The following MEIS1 variants were observed in gnomAD, a reference collection of about 807,000 sequenced individuals.
MEIS1 encodes the protein Meis homeobox 1.
In MEIS1, 5 loss-of-function variants were observed where a neutral mutation model predicts 50.8. That is an observed-to-expected ratio of 0.10 (90% confidence interval 0.05 to 0.21). The LOEUF (loss-of-function observed/expected upper bound fraction) is 0.21, where lower values mean the gene tolerates loss of function less well. MEIS1 is among the 10% of genes least tolerant of loss of function. MEIS1 has a pLI of 1.00. For synonymous variants in MEIS1, 176 were observed against 179.3 expected, an observed-to-expected ratio of 0.98 and a Z score of 0.15; for missense variants, 318 against 517.3, an observed-to-expected ratio of 0.61 and a Z score of 3.74.
intron 7 of MEIS1, among the ~76,000 whole-genome samples, chr2:66,505,333 G>C (rs1673661141): frequency 6.6e-6 from 1 of 152,176 alleles, no homozygotes. Context: ...TTGAGCCCAG[G>C]AGTTTGAGGT....
intron 9 of MEIS1, among the ~76,000 whole-genome samples, chr2:66,555,950 G>C (rs1675052634): frequency 1.3e-5 from 2 of 152,150 alleles, no homozygotes; most frequent in Admixed American, 6.5e-5. Flanking sequence ...CTTAGATCCG[G>C]TCTGCATTGC....
intron 7 of MEIS1, among the ~76,000 whole-genome samples, chr2:66,465,372 A>G (rs1338382384): frequency 2.0e-5 from 3 of 152,222 alleles, no homozygotes; most frequent in African/African-American, 7.2e-5. Flanking sequence ...AAACTGGTTC[A>G]GAGCTGAGAG....
intron 6 of MEIS1, 109 bp from the exon 7 acceptor site, chr2:66,464,000 C>T: frequency 1.4e-6 from 1 of 725,242 alleles, no homozygotes; most frequent in East Asian, 2.7e-5. Context: ...GGAAAGGTGG[C>T]ATGGTTATGT....
At chr2:66,516,743 C>A (rs559892643) in intron 8 of MEIS1, among the ~76,000 whole-genome samples, 1 of 152,030 alleles carries the variant, frequency 6.6e-6, no homozygotes, top group African/African-American at 2.4e-5. Flanking sequence ...AAGTGCCCTG[C>A]GGGTCCGCCA....
At chr2:66,544,329 A>T (rs1362801901) in intron 8 of MEIS1, among the ~76,000 whole-genome samples, 1 of 152,146 alleles carries the variant, frequency 6.6e-6, no homozygotes, top group Non-Finnish European at 1.5e-5. Context: ...GTAAAGATGC[A>T]TAGGATTTAA....
At chr2:66,470,082 A>G (rs1305307298) in intron 7 of MEIS1, among the ~76,000 whole-genome samples, 2 of 152,158 alleles carry the variant, frequency 1.3e-5, no homozygotes, top group East Asian at 3.9e-4. Context: ...AATGATCTCT[A>G]TTTGTTCACA....
chr2:66,470,336 G>A (rs1290371525), intron 7 of MEIS1, among the ~76,000 whole-genome samples: 2 of 152,174 alleles, frequency 1.3e-5, no homozygotes, highest in Non-Finnish European at 2.9e-5. Flanking sequence ...GAAAAGTCAG[G>A]TGTAAAAAAG....
chr2:66,488,751 T>C (rs1216901029), intron 7 of MEIS1, among the ~76,000 whole-genome samples: 1 of 152,246 alleles, frequency 6.6e-6, no homozygotes, highest in Non-Finnish European at 1.5e-5. Flanking sequence ...GGATTTAATC[T>C]GTTGATAACA....
rs200602768 is a variant in MEIS1 at position 66,568,678 on chromosome 2, A to T, written c.1036A>T (p.Thr346Ser). The change falls in exon 11 of 13, where the codon ACA becomes TCA. Residue 346 changes from threonine (T) to serine (S), a missense_variant. Transcript: ENST00000272369. Reference sequence around the variant, plus strand: ...CTGTACTTTTGTAGTAAGTCAAGGAACACCTTATAATCCTGATGGACAGCC... The same window carrying T: ...CTGTACTTTTGTAGTAAGTCAAGGATCACCTTATAATCCTGATGGACAGCC... ...DQSNRAVSQG[T>S]PYNPDGQPMG... is the part of the protein sequence containing the mutation. The T allele has an allele frequency of 6.2e-6, 10 of 1,613,696 alleles. No individual in the cohort carries two copies. In the Admixed American group the frequency reaches 8.3e-5, roughly 13 times the overall value.
At chr2:66,517,607 A>G (rs73937942) in intron 8 of MEIS1, among the ~76,000 whole-genome samples, 2,124 of 152,308 alleles carry the variant, frequency 0.014, 43 homozygotes, top group African/African-American at 0.047. Flanking sequence ...GAGTTTTAAA[A>G]GATCTCTGCT....
intron 7 of MEIS1, among the ~76,000 whole-genome samples, chr2:66,482,405 T>TA (rs2103787254): frequency 6.6e-6 from 1 of 152,292 alleles, no homozygotes; most frequent in East Asian, 1.9e-4. Context: ...CAACAGGACC[T>TA]AAGTCAGTCA....
At position 66,512,237 on chromosome 2, in the gene MEIS1, C is replaced by T; in HGVS notation, c.831C>T (p.Gly277=). The T allele has an allele frequency of 1.2e-6, 2 of 1,612,750 alleles. No individual in the cohort carries two copies. The highest frequency in any genetic ancestry group is 1.7e-6 in the Non-Finnish European group (2 of 1,179,508). ...ACAAAAAGCGTCACAAAAAGCGTGG[C>T]ATCTTTCCCAAAGTAGCCACAAATA... ...DKDKKRHKKR[G]IFPKVATNIM... is the part of the protein sequence containing the mutation. The change falls in exon 8 of 13, where the codon GGC becomes GGT. Residue 277 remains glycine (G), a synonymous_variant. Transcript: ENST00000272369.
chr2:66,458,594 G>T (rs1672448939), intron 6 of MEIS1, among the ~76,000 whole-genome samples: 1 of 152,178 alleles, frequency 6.6e-6, no homozygotes, highest in Non-Finnish European at 1.5e-5. Flanking sequence ...GTCTGCAAGG[G>T]AGTACTTTTT....
intron 8 of MEIS1, among the ~76,000 whole-genome samples, chr2:66,522,972 T>C (rs954462677): frequency 6.6e-6 from 1 of 152,186 alleles, no homozygotes; most frequent in Non-Finnish European, 1.5e-5. Context: ...TTACCACCCT[T>C]TGCACACAGA....
intron 6 of MEIS1, among the ~76,000 whole-genome samples, chr2:66,447,520 A>G (rs79238382): frequency 0.019 from 2,942 of 152,300 alleles, 59 homozygotes; most frequent in South Asian, 0.065. Context: ...TTGTCACTAC[A>G]CTGGCTAATT....
intron 7 of MEIS1, among the ~76,000 whole-genome samples, chr2:66,493,202 AT>A (rs1192868229): frequency 6.6e-6 from 1 of 152,190 alleles, no homozygotes; most frequent in Non-Finnish European, 1.5e-5. Context: ...AAATGCTGGC[AT>A]TTACTTTTTC....
intron 5 of MEIS1, chr2:66,441,710 G>T (rs756005422): frequency 4.2e-5 from 20 of 473,820 alleles, no homozygotes; most frequent in Non-Finnish European, 7.3e-5. Flanking sequence ...TGCTGGCTTT[G>T]TGTAAATAGT....
At chr2:66,554,645 C>T (rs1019831458) in intron 9 of MEIS1, among the ~76,000 whole-genome samples, 2 of 152,118 alleles carry the variant, frequency 1.3e-5, no homozygotes, top group African/African-American at 4.8e-5. Context: ...ACAAGTAGGA[C>T]GAATTAGTCA....
chr2:66,437,644 C>A, intron 1 of MEIS1, 93 bp from the exon 2 acceptor site: 1 of 1,090,314 alleles, frequency 9.2e-7, no homozygotes, highest in Non-Finnish European at 1.4e-6. Context: ...AAGGACCCAG[C>A]TGTATTGACC....
Sources: allele counts gnomAD v4.1 joint callset (sites outside exome capture counted in the v4.1 genomes callset), GRCh38; gene constraint gnomAD v4.1.1; transcripts MANE v1.5; gene names NCBI Gene and HGNC (gene_info 2026-07-23, HGNC 2026-07-21).